The following ZCWPW2 variants were observed in gnomAD, a reference collection of about 807,000 sequenced individuals.
ZCWPW2 encodes the protein zinc finger CW-type and PWWP domain containing 2.
ZCWPW2 carries 45 observed loss-of-function variants against 46.6 expected under a neutral mutation model. The ratio of observed to expected loss-of-function variants is 0.96; its 90% CI spans 0.76 to 1.24. ZCWPW2 has a LOEUF of 1.24. Ranked by LOEUF, ZCWPW2 falls within the 50% of genes most tolerant of loss-of-function variation. The probability of loss-of-function intolerance (pLI) is 0.00; values close to 1 mark genes in which losing one functional copy is unlikely to be tolerated. For synonymous variants in ZCWPW2, 152 were observed against 137.1 expected, an observed-to-expected ratio of 1.11 and a Z score of -0.76; for missense variants, 429 against 403.9, an observed-to-expected ratio of 1.06 and a Z score of -0.53.
intron 4 of ZCWPW2, among the ~76,000 whole-genome samples, chr3:28,471,029 C>T (rs572268621): frequency 2.2e-4 from 34 of 152,112 alleles, no homozygotes; most frequent in African/African-American, 6.5e-4. Flanking sequence ...ATTTCTAGAC[C>T]GTACAACCTA....
chr3:28,441,712 A>T (rs760722645), intron 4 of ZCWPW2, among the ~76,000 whole-genome samples: 16 of 152,072 alleles, frequency 1.1e-4, no homozygotes, highest in Non-Finnish European at 2.4e-4. Flanking sequence ...GATCACATGT[A>T]CCACTTCCAT....
intron 3 of ZCWPW2, among the ~76,000 whole-genome samples, chr3:28,433,161 C>T (rs1004741758): frequency 1.3e-5 from 2 of 152,064 alleles, no homozygotes; most frequent in Admixed American, 6.6e-5. Flanking sequence ...TACTTTGGTA[C>T]TCTTTATCAA....
At chr3:28,447,930 A>G (rs1698061175) in intron 4 of ZCWPW2, 2 of 769,472 alleles carry the variant, frequency 2.6e-6, no homozygotes, top group South Asian at 2.7e-5. Flanking sequence ...GATTGTCCAA[A>G]ACAAAAAAAC....
intron 4 of ZCWPW2, among the ~76,000 whole-genome samples, chr3:28,474,618 T>TGTGC (rs756097929): frequency 1.4e-5 from 2 of 146,460 alleles, no homozygotes; most frequent in Non-Finnish European, 3.0e-5. Context: ...TGTGTGTGTG[T>TGTGC]GTGCGCGCGC....
At chr3:28,500,268 A>C (rs1223985827) in intron 6 of ZCWPW2, among the ~76,000 whole-genome samples, 3 of 152,130 alleles carry the variant, frequency 2.0e-5, no homozygotes, top group Non-Finnish European at 2.9e-5. Context: ...GAAGTAAAAG[A>C]AATCTATATA....
chr3:28,503,723 G>A (rs1428113242), intron 6 of ZCWPW2, among the ~76,000 whole-genome samples: 1 of 151,756 alleles, frequency 6.6e-6, no homozygotes, highest in Non-Finnish European at 1.5e-5. Flanking sequence ...CAGAATTCAA[G>A]CCTACGGTTT....
chr3:28,408,617 C>T (rs1196342367), intron 2 of ZCWPW2, among the ~76,000 whole-genome samples: 1 of 152,130 alleles, frequency 6.6e-6, no homozygotes, highest in Admixed American at 6.5e-5. Flanking sequence ...TAAGTTATGG[C>T]ATCTCCCACC....
At chr3:28,495,488 C>T (rs1169772813) in intron 6 of ZCWPW2, among the ~76,000 whole-genome samples, 1 of 152,024 alleles carries the variant, frequency 6.6e-6, no homozygotes, top group African/African-American at 2.4e-5. Context: ...TTAACAAAGG[C>T]AATACTATTC....
intron 6 of ZCWPW2, among the ~76,000 whole-genome samples, chr3:28,496,087 G>T (rs115818389): frequency 0.017 from 2,530 of 152,078 alleles, 79 homozygotes; most frequent in African/African-American, 0.057. Context: ...AACTGTCATA[G>T]AATAGACAAA....
intron 6 of ZCWPW2, among the ~76,000 whole-genome samples, chr3:28,503,203 T>G (rs1700195008): frequency 6.6e-6 from 1 of 152,180 alleles, no homozygotes; most frequent in South Asian, 2.1e-4. Context: ...AGAAATATGA[T>G]TCCACAAAAT....
intron 1 of ZCWPW2, among the ~76,000 whole-genome samples, chr3:28,361,466 A>C (rs916683080): frequency 2.6e-5 from 4 of 152,210 alleles, no homozygotes; most frequent in Admixed American, 6.5e-5. Flanking sequence ...GCTTCATAAC[A>C]TTGGTCTTGG....
intron 3 of ZCWPW2, among the ~76,000 whole-genome samples, chr3:28,424,474 C>A (rs1696925198): frequency 6.6e-6 from 1 of 151,998 alleles, no homozygotes; most frequent in Admixed American, 6.6e-5. Context: ...ATATGACTGG[C>A]ATCCTTATAA....
At chr3:28,356,360 G>C (rs920233601) in intron 1 of ZCWPW2, among the ~76,000 whole-genome samples, 1 of 152,198 alleles carries the variant, frequency 6.6e-6, no homozygotes, top group African/African-American at 2.4e-5. Context: ...AACAGCAGGT[G>C]CTGGAGAGGA....
At chr3:28,422,547 T>G (rs1696836265) in intron 3 of ZCWPW2, among the ~76,000 whole-genome samples, 1 of 152,216 alleles carries the variant, frequency 6.6e-6, no homozygotes, top group Non-Finnish European at 1.5e-5. Context: ...TATGGCTTGA[T>G]TACTCAGTAT....
intron 3 of ZCWPW2, among the ~76,000 whole-genome samples, chr3:28,430,407 C>T (rs555129878): frequency 6.6e-6 from 1 of 152,352 alleles, no homozygotes; most frequent in South Asian, 2.1e-4. Context: ...CTTGTACTCA[C>T]ATGGTATCTA....
At position 28,524,726 on chromosome 3, in the gene ZCWPW2, G is replaced by A; in HGVS notation, c.*38G>A. ...TTTTCAAATTAATTATAAAAATATT[G>A]GCATCTTTATATTTATCCAAAGTTA... On this transcript the variant is annotated 3_prime_UTR_variant, in exon 10 of 10. Transcript: ENST00000383768. 7 of 1,394,362 alleles carry A rather than the reference G, an allele frequency of 5.0e-6. No individual in the cohort carries two copies. The highest frequency in any genetic ancestry group is 2.7e-5 in the East Asian group (1 of 37,058). 86.4% of individuals were successfully genotyped at this position (1,394,362 alleles called of 1,614,324 possible).
At chr3:28,423,936 A>C (rs1696901196) in intron 3 of ZCWPW2, among the ~76,000 whole-genome samples, 1 of 151,918 alleles carries the variant, frequency 6.6e-6, no homozygotes, top group Admixed American at 6.6e-5. Context: ...TTTGGTGTTC[A>C]TGTGGGTAGC....
At position 28,488,414 on chromosome 3, in the gene ZCWPW2, T is replaced by C. The variant is rs143890324; in HGVS notation, c.611-3713T>C. Among the ~76,000 whole-genome samples, 379 of 152,284 alleles carry C rather than the reference T, an allele frequency of 2.5e-3. 1 individual carries two copies. The highest frequency in any genetic ancestry group is 8.3e-3 in the African/African-American group (346 of 41,566). On this transcript the variant is annotated intron_variant, in intron 5 of 9. Coordinates refer to ENST00000383768, the MANE Select transcript of ZCWPW2 (RefSeq NM_001040432.4). ...TTGGACTCTAGTGGGGACTTCTAAT[T>C]TCCTTACATGCCAGACCAGAAACTG...
At chr3:28,477,092 T>C (rs1047356969) in intron 4 of ZCWPW2, among the ~76,000 whole-genome samples, 3 of 152,196 alleles carry the variant, frequency 2.0e-5, no homozygotes, top group African/African-American at 4.8e-5. Context: ...AGGAACTGTT[T>C]AGTGCTATAA....
Sources: gnomAD v4.1 joint callset for allele counts (sites outside exome capture counted in the v4.1 genomes callset) on GRCh38, gnomAD v4.1.1 for gene constraint, MANE v1.5 for transcripts, NCBI Gene and HGNC (gene_info 2026-07-23, HGNC 2026-07-21) for gene names.